The following ADCY3 variants were observed in gnomAD, a reference collection of about 807,000 sequenced individuals.
The protein encoded by ADCY3 is adenylate cyclase type 3.
A neutral mutation model predicts 119.4 loss-of-function variants in ADCY3; 70 were observed. The ratio of observed to expected loss-of-function variants is 0.59; its 90% CI spans 0.48 to 0.72. The LOEUF (loss-of-function observed/expected upper bound fraction) is 0.72. ADCY3 is among the 30% of genes least tolerant of loss of function. ADCY3 has a pLI of 0.00. For synonymous variants in ADCY3, 672 were observed against 621.4 expected (o/e 1.08, Z -1.21); for missense variants, 1,238 against 1,541.6 (o/e 0.80, Z 3.30).
intron 6 of ADCY3, among the ~76,000 whole-genome samples, 189 bp from the exon 7 acceptor site, chr2:24,840,220 C>T (rs745576940): frequency 5.3e-5 from 8 of 152,234 alleles, no homozygotes; most frequent in Non-Finnish European, 1.0e-4. Flanking sequence ...TCAGGCATCA[C>T]AGGCCAGCAG....
At chr2:24,862,625 A>T (rs150217440) in intron 3 of ADCY3, among the ~76,000 whole-genome samples, 1 of 152,064 alleles carries the variant, frequency 6.6e-6, no homozygotes, top group African/African-American at 2.4e-5. Context: ...TTTTGGGGGA[A>T]GATGTTGCGG....
At chr2:24,821,004 C>G in intron 20 of ADCY3, 156 bp from the exon 21 acceptor site, 1 of 1,060,838 alleles carries the variant, frequency 9.4e-7, no homozygotes. Flanking sequence ...GGGTGGAAAT[C>G]ACATCTCCTG....
intron 2 of ADCY3, among the ~76,000 whole-genome samples, chr2:24,917,263 C>T (rs577382307): frequency 1.3e-5 from 2 of 152,246 alleles, no homozygotes; most frequent in Non-Finnish European, 2.9e-5. Flanking sequence ...AGAAGGTCAC[C>T]GCTTCAGAGC....
At chr2:24,870,382 A>G (rs1429966700) in intron 3 of ADCY3, among the ~76,000 whole-genome samples, 2 of 152,002 alleles carry the variant, frequency 1.3e-5, no homozygotes, top group African/African-American at 2.4e-5. Context: ...ATATGGGGAT[A>G]CTGAAGTCCA....
rs1455968871 is a variant in ADCY3 at position 24,842,983 on chromosome 2, AG to A, written c.826-600del. Among the ~76,000 whole-genome samples the A allele has an allele frequency of 2.0e-5, 3 of 152,216 alleles. No homozygotes were observed. The highest frequency in any genetic ancestry group is 7.2e-5 in the African/African-American group (3 of 41,452). On this transcript the variant is annotated intron_variant, in intron 3 of 21. Coordinates refer to ENST00000679454, the MANE Select transcript of ADCY3 (RefSeq NM_004036.5). This position sits in a 1 kb window ranked among gnomAD's most constrained non-coding sequence, Gnocchi z 4.9. ...GCAGAGGACGGCGCAAGAGAGAAGC[AG>A]GGGCCAAGGTCGGCCGGGGAGGAGG...
chr2:24,850,422 C>T (rs1672157860), intron 3 of ADCY3, among the ~76,000 whole-genome samples: 1 of 152,186 alleles, frequency 6.6e-6, no homozygotes, highest in Non-Finnish European at 1.5e-5. Context: ...AGGCTGGGAT[C>T]CAGGTGAACT....
At chr2:24,838,982 G>A (rs553232313) in intron 7 of ADCY3, 195 of 1,149,502 alleles carry the variant, frequency 1.7e-4, no homozygotes, top group East Asian at 2.3e-4. Flanking sequence ...TTGTTCTGTC[G>A]CCCAGGATGG....
chr2:24,912,968 A>G (rs893894388), intron 2 of ADCY3, among the ~76,000 whole-genome samples: 3 of 152,218 alleles, frequency 2.0e-5, no homozygotes, highest in Non-Finnish European at 4.4e-5. Flanking sequence ...ATGCAGCTGA[A>G]TCTGATGGCC....
chr2:24,908,078 T>C (rs946909953), intron 2 of ADCY3, among the ~76,000 whole-genome samples: 3 of 151,896 alleles, frequency 2.0e-5, no homozygotes, highest in Non-Finnish European at 4.4e-5. Flanking sequence ...TCCCAGCACT[T>C]TGGAAGGCCA....
At chr2:24,868,209 C>T (rs1401278770) in intron 3 of ADCY3, among the ~76,000 whole-genome samples, 2 of 152,130 alleles carry the variant, frequency 1.3e-5, no homozygotes, top group Non-Finnish European at 2.9e-5. Flanking sequence ...ACTTCTACGT[C>T]GCCCATGGAT....
Position 24,828,124 on chromosome 2 carries a change from G to A in ADCY3, c.2210C>T (p.Ala737Val). The change falls in exon 14 of 22, where the codon GCA becomes GTA. Residue 737 changes from alanine (A) to valine (V), a missense_variant. Around this residue, in one of 7 missense-constraint regions of ADCY3, gnomAD observed 499 missense variants for 571.0 expected, o/e 0.87. Coordinates refer to ENST00000679454, the MANE Select transcript of ADCY3 (RefSeq NM_004036.5). ...CLQYYTGPSN[A>V]TAGMETEGSC... ...GCCCTCCGTTTCCATCCCTGCCGTT[G>A]CATTGCTGGGTCCCGTGTAGTACTG... 1 of 1,614,112 alleles carries A rather than the reference G, an allele frequency of 6.2e-7. No homozygotes were observed. Among genetic ancestry groups the A allele is most frequent in the Non-Finnish European group, 8.5e-7 (1 of 1,180,046 alleles).
Position 24,842,110 on chromosome 2 carries a change from C to T in ADCY3, c.956+144G>A, listed in dbSNP as rs538082614. 7.9e-5 allele frequency: 96 copies of T among 1,222,624 alleles called. No individual in the cohort carries two copies. In the Middle Eastern group the frequency reaches 1.1e-3, roughly 14 times the overall value. 75.7% of individuals were successfully genotyped at this position (1,222,624 alleles called of 1,614,324 possible). A position where few individuals can be genotyped will look rare whatever the true frequency, so the allele number is the denominator to read the frequency against. The stretch of plus-strand genomic sequence containing the variant: ...TTCAACATCTGCTGGCAGCTTCCTC[C>T]GCCAGGCTGATGAATGCTGTGGGAG... On this transcript the variant is annotated intron_variant, in intron 4 of 21. Transcript: ENST00000679454. This position sits in a 1 kb window ranked among gnomAD's most constrained non-coding sequence, Gnocchi z 4.9.
Position 24,920,203 on chromosome 2 carries a change from G to A in ADCY3, c.-718C>T, listed in dbSNP as rs1664930292. Reference sequence around the variant, plus strand: ...TCGGCGTGCTGCACAGCTATTCCCCGCGCGGCGCCGGCGGCTCCGGGGCCA... The same window carrying A: ...TCGGCGTGCTGCACAGCTATTCCCCACGCGGCGCCGGCGGCTCCGGGGCCA... On this transcript the variant is annotated 5_prime_UTR_variant, in exon 1 of 22. Coordinates refer to ENST00000679454, the MANE Select transcript of ADCY3 (RefSeq NM_004036.5). This position sits in a 1 kb window ranked among gnomAD's most constrained non-coding sequence, Gnocchi z 4.5. 6.8e-6 allele frequency among the ~76,000 whole-genome samples: 1 copy of A among 146,114 alleles called. No homozygotes were observed. Among genetic ancestry groups the A allele is most frequent in the African/African-American group, 2.5e-5 (1 of 40,726 alleles).
chr2:24,858,908 C>G (rs1004827331), intron 3 of ADCY3, among the ~76,000 whole-genome samples: 1 of 152,202 alleles, frequency 6.6e-6, no homozygotes, highest in African/African-American at 2.4e-5. Flanking sequence ...AACCTGTTTT[C>G]TATGGGTTCA....
Position 24,838,526 on chromosome 2 carries a change from C to T in ADCY3, c.1452G>A (p.Glu484=), listed in dbSNP as rs964514947. The T allele has an allele frequency of 1.9e-6, 3 of 1,614,168 alleles. No individual in the cohort carries two copies. Among genetic ancestry groups the T allele is most frequent in the Non-Finnish European group, 1.7e-6 (2 of 1,180,028 alleles). The part of the protein sequence containing the change: ...DGGSRCDYLE[E]KGIETYLIIA... ...TGATGAGGTAGGTTTCAATACCCTT[C>T]TCTTCTAGGTAATCACAGCGGCTGC... Residue 484 remains glutamate (E), a synonymous_variant, in exon 8 of 22, where the codon GAG becomes GAA. Coordinates refer to ENST00000679454, the MANE Select transcript of ADCY3 (RefSeq NM_004036.5).
chr2:24,888,917 G>A (rs1677374931), intron 2 of ADCY3, among the ~76,000 whole-genome samples: 1 of 152,188 alleles, frequency 6.6e-6, no homozygotes, highest in Admixed American at 6.5e-5. Flanking sequence ...GCTGAGGCAG[G>A]AGAATTGCTT....
chr2:24,839,899 G>A lies in ADCY3; in HGVS notation c.1329C>T (p.Asn443=), dbSNP rs1256684850. The change falls in exon 7 of 22, where the codon AAC becomes AAT. Residue 443 remains asparagine (N), a synonymous_variant. Transcript: ENST00000679454. ...DVWSTDVTVA[N]KMEAGGIPGR... Reference sequence around the variant, plus strand: ...CAGGGATGCCGCCGGCCTCCATCTTGTTGGCTACAGTGACATCAGTCGACC... The same window carrying A: ...CAGGGATGCCGCCGGCCTCCATCTTATTGGCTACAGTGACATCAGTCGACC... The A allele has an allele frequency of 1.9e-6, 3 of 1,613,886 alleles. No individual in the cohort carries two copies. The East Asian group carries it at 6.7e-5, about 36-fold the overall frequency.
At chr2:24,869,997 T>TA (rs1485411771) in intron 3 of ADCY3, among the ~76,000 whole-genome samples, 1 of 151,920 alleles carries the variant, frequency 6.6e-6, no homozygotes, top group Non-Finnish European at 1.5e-5. Flanking sequence ...GGGATTCACA[T>TA]AGATTCCTTC....
Position 24,891,275 on chromosome 2 carries a change from A to C in ADCY3, c.676-18556T>G, listed in dbSNP as rs372970626. ...CACAGTCCAAAAATATTAAATGAAA[A>C]ATTTAAGAAATAAATAATTCATAAG... On this transcript the variant is annotated intron_variant, in intron 2 of 21. Transcript: ENST00000679454. Among the ~76,000 whole-genome samples, 9 of 152,322 alleles carry C rather than the reference A, an allele frequency of 5.9e-5. No individual in the cohort carries two copies. The South Asian group carries it at 1.7e-3, about 28-fold the overall frequency.
Sources: allele counts gnomAD v4.1 joint callset (sites outside exome capture counted in the v4.1 genomes callset), GRCh38; gene constraint gnomAD v4.1.1; regional missense constraint gnomAD v4.1.1; non-coding constraint Gnocchi (gnomAD v3.1); transcripts MANE v1.5; gene names NCBI Gene and HGNC (gene_info 2026-07-23, HGNC 2026-07-21).